The following CIBAR1 variants were observed in gnomAD, a reference collection of about 807,000 sequenced individuals.
CIBAR1 encodes CBY1 interacting BAR domain containing 1.
CIBAR1 carries 25 observed loss-of-function variants against 44.0 expected under a neutral mutation model. The observed-to-expected ratio is 0.57, with a 90% CI of 0.41 to 0.79. The LOEUF (loss-of-function observed/expected upper bound fraction) is 0.79, where lower values mean the gene tolerates loss of function less well. Ranked by LOEUF, CIBAR1 falls within the 30% of genes least tolerant of loss-of-function variation. The probability of loss-of-function intolerance (pLI) is 0.00; values close to 1 mark genes in which losing one functional copy is unlikely to be tolerated. For synonymous variants in CIBAR1, 115 were observed against 119.0 expected (o/e 0.97, Z 0.22); for missense variants, 278 against 344.8 (o/e 0.81, Z 1.53).
intron 7 of CIBAR1, among the ~76,000 whole-genome samples, chr8:93,724,983 A>C (rs1191499318): frequency 6.6e-6 from 1 of 151,472 alleles, no homozygotes; most frequent in Non-Finnish European, 1.5e-5. Context: ...TCTTTCAGAG[A>C]AACTTTTTTT....
At chr8:93,714,841 G>A (rs1810979549) in intron 6 of CIBAR1, among the ~76,000 whole-genome samples, 1 of 152,166 alleles carries the variant, frequency 6.6e-6, no homozygotes, top group Non-Finnish European at 1.5e-5. Flanking sequence ...ATCTTAGCAT[G>A]TCTCATAAAC....
At chr8:93,702,327 C>A in intron 2 of CIBAR1, 2 of 396,212 alleles carry the variant, frequency 5.0e-6, no homozygotes, top group Non-Finnish European at 1.0e-5. Flanking sequence ...ACAAGTAACT[C>A]TCAATTATAT....
intron 3 of CIBAR1, 39 bp from the exon 4 acceptor site, chr8:93,704,870 G>A: frequency 1.5e-6 from 2 of 1,296,454 alleles, no homozygotes; most frequent in East Asian, 2.4e-5. Flanking sequence ...ATTTTCTTAA[G>A]TCAGACATTT....
At chr8:93,713,621 C>G (rs1197140868) in intron 6 of CIBAR1, among the ~76,000 whole-genome samples, 1 of 152,138 alleles carries the variant, frequency 6.6e-6, no homozygotes, top group Admixed American at 6.5e-5. Flanking sequence ...AGTTTCAGCC[C>G]TTATATGTCT....
At chr8:93,709,611 A>G (rs1810739394) in intron 5 of CIBAR1, 160 bp from the exon 6 acceptor site, 4 of 654,610 alleles carry the variant, frequency 6.1e-6, no homozygotes, top group Non-Finnish European at 1.1e-5. Context: ...GCATGTGCTT[A>G]CATAGATCAT....
chr8:93,700,680 G>C lies in CIBAR1; in HGVS notation c.26+7G>C. The C allele has an allele frequency of 1.3e-6, 2 of 1,504,694 alleles. No individual in the cohort carries two copies. The highest frequency in any genetic ancestry group is 1.8e-6 in the Non-Finnish European group (2 of 1,127,242). The allele number at this position is 1,504,694 out of a possible 1,614,324, so 93.2% of individuals were successfully genotyped here. A position where few individuals can be genotyped will look rare whatever the true frequency, so the allele number is the denominator to read the frequency against. On this transcript the variant is annotated splice_region_variant and intron_variant, in intron 1 of 8. Coordinates refer to ENST00000518322, the MANE Select transcript of CIBAR1 (RefSeq NM_145269.5). ...GGCGCACCCTGGAAAACCGGTAACA[G>C]CCCGAGCCCAGCTGCCCAGGGCCGC...
chr8:93,719,842 C>CT lies in CIBAR1; in HGVS notation c.657+1057dup, dbSNP rs1487472136. On this transcript the variant is annotated intron_variant, in intron 7 of 8. Coordinates refer to ENST00000518322, the MANE Select transcript of CIBAR1 (RefSeq NM_145269.5). Reference sequence around the variant, plus strand: ...TGCTGAAGTAACTGTTCAAGACATACTTTCCCCATCTCATCTCTAATATAG... The same window carrying CT: ...TGCTGAAGTAACTGTTCAAGACATACTTTTCCCCATCTCATCTCTAATATAG... 2.0e-5 allele frequency: 3 copies of CT among 152,252 alleles called. No individual in the cohort carries two copies. In the East Asian group the frequency reaches 5.8e-4, roughly 29 times the overall value. 9.4% of individuals were successfully genotyped at this position (152,252 alleles called of 1,614,324 possible).
At chr8:93,722,646 C>T (rs1811311296) in intron 7 of CIBAR1, among the ~76,000 whole-genome samples, 1 of 151,968 alleles carries the variant, frequency 6.6e-6, no homozygotes, top group African/African-American at 2.4e-5. Context: ...TTGCAGTGAG[C>T]TGAGAGTGTG....
chr8:93,702,238 A>G (rs748016821), intron 2 of CIBAR1: 7 of 431,878 alleles, frequency 1.6e-5, no homozygotes, highest in Non-Finnish European at 2.8e-5. Flanking sequence ...ATTGCTATCC[A>G]TACAAATTTG....
chr8:93,703,645 T>C lies in CIBAR1; in HGVS notation c.287T>C (p.Val96Ala). 2 of 1,551,426 alleles carry C rather than the reference T, an allele frequency of 1.3e-6. No individual in the cohort carries two copies. The highest frequency in any genetic ancestry group is 1.7e-6 in the Non-Finnish European group (2 of 1,147,096). ...GTTGAAAGACTTGAAGCCAAAGTAG[T>C]TGAACCCTTGAAAACTTATGGGACC... ...AEVERLEAKV[V>A]EPLKTYGTIV... is the part of the protein sequence containing the mutation. The change falls in exon 3 of 9, where the codon GTT becomes GCT. Residue 96 changes from valine to alanine, a missense_variant. Around this residue, in one of 3 missense-constraint regions of CIBAR1, gnomAD observed 183 missense variants for 218.6 expected, o/e 0.84. Transcript: ENST00000518322.
intron 2 of CIBAR1, chr8:93,702,492 T>C (rs1471372973): frequency 2.2e-6 from 1 of 455,262 alleles, no homozygotes; most frequent in African/African-American, 2.0e-5. Flanking sequence ...GTTCTCCTTT[T>C]ATTTCCCTTG....
chr8:93,721,692 C>CCATTCTAAGTGTGAAGGATGTAG (rs1811270580), intron 7 of CIBAR1, among the ~76,000 whole-genome samples: 1 of 152,130 alleles, frequency 6.6e-6, no homozygotes, highest in African/African-American at 2.4e-5. Flanking sequence ...GCACCAAGCA[C>CCATTCTAAGTGTGAAGGATGTAG]CATTCTAAGT....
At position 93,731,004 on chromosome 8, in the gene CIBAR1, T is replaced by TA. The variant is rs1472311910; in HGVS notation, c.*2713dup. On this transcript the variant is annotated 3_prime_UTR_variant, in exon 9 of 9. Transcript: ENST00000518322. Reference sequence around the variant, plus strand: ...AGTGAGACTCTGTCTCTACAAATAATAAAAAATTTAGCCAGACAAGGTGGC... The same window carrying TA: ...AGTGAGACTCTGTCTCTACAAATAATAAAAAAATTTAGCCAGACAAGGTGGC... 6.6e-6 allele frequency: 1 copy of TA among 151,994 alleles called. No individual in the cohort carries two copies. Among genetic ancestry groups the TA allele is most frequent in the Non-Finnish European group, 1.5e-5 (1 of 68,010 alleles). 9.4% of individuals were successfully genotyped at this position (151,994 alleles called of 1,614,324 possible).
chr8:93,723,749 G>A (rs1046382308), intron 7 of CIBAR1, among the ~76,000 whole-genome samples: 1 of 152,076 alleles, frequency 6.6e-6, no homozygotes, highest in African/African-American at 2.4e-5. Context: ...GTACTTGAGG[G>A]TATGAACAGT....
At chr8:93,722,610 A>G (rs1811309607) in intron 7 of CIBAR1, among the ~76,000 whole-genome samples, 1 of 152,148 alleles carries the variant, frequency 6.6e-6, no homozygotes, top group African/African-American at 2.4e-5. Flanking sequence ...AGATGGAAGG[A>G]ATCGCTTGAA....
intron 6 of CIBAR1, among the ~76,000 whole-genome samples, chr8:93,717,355 T>A (rs1811072621): frequency 1.3e-5 from 2 of 152,218 alleles, no homozygotes; most frequent in Non-Finnish European, 2.9e-5. Context: ...CTAGAGATAC[T>A]TTAATATGAA....
At chr8:93,708,900 T>C (rs1412643214) in intron 5 of CIBAR1, among the ~76,000 whole-genome samples, 3 of 152,236 alleles carry the variant, frequency 2.0e-5, no homozygotes, top group African/African-American at 7.2e-5. Context: ...TAGCTGTCTC[T>C]CTACTGTGTG....
Position 93,701,348 on chromosome 8 carries a change from C to T in CIBAR1, c.151C>T (p.Leu51=), listed in dbSNP as rs763814097. ...TARLRDKADL[L]VNEINAYAAT... is the part of the protein sequence containing the mutation. Reference sequence around the variant, plus strand: ...CAGGCTGAGAGACAAAGCAGACCTCCTGGTGAATGAAATTAACGCGTATGC... The same window carrying T: ...CAGGCTGAGAGACAAAGCAGACCTCTTGGTGAATGAAATTAACGCGTATGC... The change falls in exon 2 of 9, where the codon CTG becomes TTG. Residue 51 remains leucine, a synonymous_variant. Coordinates refer to ENST00000518322, the MANE Select transcript of CIBAR1 (RefSeq NM_145269.5). 5 of 1,613,788 alleles carry T rather than the reference C, an allele frequency of 3.1e-6. No individual in the cohort carries two copies. Among genetic ancestry groups the T allele is most frequent in the Admixed American group, 1.7e-5 (1 of 59,984 alleles).
chr8:93,702,498 C>T (rs1347634347), intron 2 of CIBAR1: 2 of 454,736 alleles, frequency 4.4e-6, no homozygotes, highest in Non-Finnish European at 8.8e-6. Flanking sequence ...CTTTTATTTC[C>T]CTTGCTTACC....
Sources: gnomAD v4.1 joint callset for allele counts (sites outside exome capture counted in the v4.1 genomes callset) on GRCh38, gnomAD v4.1.1 for gene constraint, gnomAD v4.1.1 regional missense constraint, MANE v1.5 for transcripts, NCBI Gene and HGNC (gene_info 2026-07-23, HGNC 2026-07-21) for gene names.